MLLT1: variants seen among roughly 807,000 people sequenced by gnomAD.
MLLT1 encodes the protein protein ENL.
MLLT1 carries 11 observed loss-of-function variants against 55.1 expected under a neutral mutation model. The ratio of observed to expected loss-of-function variants is 0.20; its 90% CI spans 0.13 to 0.33. The LOEUF (loss-of-function observed/expected upper bound fraction) is 0.33. Among genes scored for constraint, MLLT1 ranks in the 10% least tolerant of loss-of-function variants. The pLI, the probability that MLLT1 is intolerant of heterozygous loss-of-function variation, is 1.00. For synonymous variants in MLLT1, 323 were observed against 320.1 expected, an observed-to-expected ratio of 1.01 and a Z score of -0.10; for missense variants, 536 against 760.6, an observed-to-expected ratio of 0.70 and a Z score of 3.47.
intron 3 of MLLT1, among the ~76,000 whole-genome samples, chr19:6,237,797 G>A (rs999178313): frequency 1.3e-4 from 19 of 150,362 alleles, no homozygotes; most frequent in South Asian, 1.3e-3. Context: ...CTTAAGAGAC[G>A]AAGCAATCAA....
At chr19:6,251,783 G>A (rs966619378) in intron 3 of MLLT1, among the ~76,000 whole-genome samples, 1 of 148,564 alleles carries the variant, frequency 6.7e-6, no homozygotes. Context: ...AAAAAAAAAA[G>A]AAAGAAAGAA....
chr19:6,244,230 C>T (rs1258636772), intron 3 of MLLT1, among the ~76,000 whole-genome samples: 1 of 151,916 alleles, frequency 6.6e-6, no homozygotes, highest in Non-Finnish European at 1.5e-5. Flanking sequence ...GTGAACTCCA[C>T]AAGAGAGGGG....
chr19:6,235,425 C>T lies in MLLT1; in HGVS notation c.277-4712G>A, dbSNP rs2144887039. On this transcript the variant is annotated intron_variant, in intron 3 of 11. Coordinates refer to ENST00000252674, the MANE Select transcript of MLLT1 (RefSeq NM_005934.4). This position sits in a 1 kb window ranked among gnomAD's most constrained non-coding sequence, Gnocchi z 5.5. ...CCACAGTGCTCAGCACCCTGCCTAT[C>T]ACCCACAGAAGCCGTGAGTGCCCCC... Among the ~76,000 whole-genome samples, 1 of 152,334 alleles carries T rather than the reference C, an allele frequency of 6.6e-6. No individual in the cohort carries two copies. The highest frequency in any genetic ancestry group is 2.4e-5 in the African/African-American group (1 of 41,576).
chr19:6,217,805 T>C (rs1469404626), intron 7 of MLLT1, 149 bp downstream of exon 7: 9 of 1,156,814 alleles, frequency 7.8e-6, no homozygotes, highest in Non-Finnish European at 9.4e-6. Context: ...CTTTTAAATA[T>C]AGACTCCCCC....
In MLLT1 at chr19:6,273,831, G is replaced by A. The variant is rs559595645; in HGVS notation, c.13-3072C>T. Among the ~76,000 whole-genome samples, 8 of 152,230 alleles carry A rather than the reference G, an allele frequency of 5.3e-5. No homozygotes were observed. Among genetic ancestry groups the A allele is most frequent in the Non-Finnish European group, 1.2e-4 (8 of 68,040 alleles). On this transcript the variant is annotated intron_variant, in intron 1 of 11. Coordinates refer to ENST00000252674, the MANE Select transcript of MLLT1 (RefSeq NM_005934.4). The surrounding 1 kb of genome is among the most constrained non-coding windows in gnomAD (Gnocchi z 4.3). ...CACTGACCCGGCCACTCAGACCTCG[G>A]CCGACTTCCCGGCATTTCTGATGAC...
chr19:6,245,554 C>CA (rs1424277417), intron 3 of MLLT1, among the ~76,000 whole-genome samples: 1 of 151,854 alleles, frequency 6.6e-6, no homozygotes, highest in African/African-American at 2.4e-5. Context: ...ACTAAAAATA[C>CA]AAAAAAATTA....
intron 1 of MLLT1, among the ~76,000 whole-genome samples, chr19:6,277,344 C>T (rs76606052): frequency 0.03 from 4,539 of 152,272 alleles, 206 homozygotes; most frequent in African/African-American, 0.1. Context: ...AGGAGGGAGA[C>T]CATCACCATC....
At chr19:6,261,313 C>T (rs4807856) in intron 3 of MLLT1, among the ~76,000 whole-genome samples, 52,415 of 152,158 alleles carry the variant, frequency 0.34, 11,610 homozygotes, top group African/African-American at 0.63. Flanking sequence ...CCGGCTGAAA[C>T]GTCACCCGGC....
Position 6,228,643 on chromosome 19 carries a change from C to T in MLLT1, c.421-1541G>A, listed in dbSNP as rs186107016. ...TGACACAGAAACCAGCCCCTCCTCCCGGGTCTCCCAGCACCCACGGCGGGG... is the reference window on the plus strand; with the variant it reads ...TGACACAGAAACCAGCCCCTCCTCCTGGGTCTCCCAGCACCCACGGCGGGG... On this transcript the variant is annotated intron_variant, in intron 4 of 11. Transcript: ENST00000252674. Among the ~76,000 whole-genome samples, 10 of 152,352 alleles carry T rather than the reference C, an allele frequency of 6.6e-5. No individual in the cohort carries two copies. In the East Asian group the frequency reaches 1.4e-3, roughly 21 times the overall value.
chr19:6,214,771 A>G (rs952841282), intron 8 of MLLT1, among the ~76,000 whole-genome samples: 1 of 152,128 alleles, frequency 6.6e-6, no homozygotes, highest in Non-Finnish European at 1.5e-5. Context: ...CCATCACTTC[A>G]CAACACGTTT....
intron 4 of MLLT1, among the ~76,000 whole-genome samples, chr19:6,228,856 G>A (rs1007671395): frequency 7.9e-5 from 12 of 152,078 alleles, no homozygotes; most frequent in Middle Eastern, 3.2e-3. Flanking sequence ...AGGGCAGAGC[G>A]CCCAGCGCCT....
intron 8 of MLLT1, 71 bp downstream of exon 8, chr19:6,216,334 A>C: frequency 8.8e-7 from 1 of 1,132,846 alleles, no homozygotes. Flanking sequence ...GCAGCCCCAC[A>C]ATCACTGCAG....
chr19:6,265,970 C>T (rs1847019925), intron 2 of MLLT1, among the ~76,000 whole-genome samples: 1 of 151,946 alleles, frequency 6.6e-6, no homozygotes, highest in Admixed American at 6.5e-5. Flanking sequence ...CAGAGTGAGA[C>T]TCTGTTTCAA....
At position 6,270,607 on chromosome 19, in the gene MLLT1, C is replaced by A. The variant is rs773276134; in HGVS notation, c.165G>T (p.Leu55=). The change falls in exon 2 of 12, where the codon CTG becomes CTT. Residue 55 remains leucine (L), a synonymous_variant. Transcript: ENST00000252674. This position sits in a 1 kb window ranked among gnomAD's most constrained non-coding sequence, Gnocchi z 7.1. Reference sequence around the variant, plus strand: ...GTCTGGGCTTGGGGAAGCTGTCGTGCAGCCAGAAGACCACCTTCTCCACGA... The same window carrying A: ...GTCTGGGCTTGGGGAAGCTGTCGTGAAGCCAGAAGACCACCTTCTCCACGA... The part of the protein sequence containing the change: ...QHFVEKVVFW[L]HDSFPKPRRV... 6.2e-7 allele frequency: 1 copy of A among 1,613,580 alleles called. No individual in the cohort carries two copies. Among genetic ancestry groups the A allele is most frequent in the Non-Finnish European group, 8.5e-7 (1 of 1,179,728 alleles).
intron 3 of MLLT1, among the ~76,000 whole-genome samples, chr19:6,248,080 G>T (rs998314015): frequency 6.6e-6 from 1 of 152,108 alleles, no homozygotes; most frequent in Admixed American, 6.5e-5. Context: ...TAGCAGAGAC[G>T]GGGTGCCATG....
chr19:6,264,938 A>G (rs962376573), intron 2 of MLLT1, among the ~76,000 whole-genome samples: 1 of 149,654 alleles, frequency 6.7e-6, no homozygotes, highest in African/African-American at 2.5e-5. Flanking sequence ...AGAAAAAAAG[A>G]GAGGAAATAA....
chr19:6,253,690 A>G (rs750277854), intron 3 of MLLT1, among the ~76,000 whole-genome samples: 4 of 152,210 alleles, frequency 2.6e-5, no homozygotes, highest in Non-Finnish European at 5.9e-5. Context: ...AAAATCCATC[A>G]GCGTAATACA....
At chr19:6,242,868 A>T (rs1030975563) in intron 3 of MLLT1, among the ~76,000 whole-genome samples, 1 of 152,074 alleles carries the variant, frequency 6.6e-6, no homozygotes, top group Non-Finnish European at 1.5e-5. Flanking sequence ...AAAGCAGGCC[A>T]CTGTCATCTC....
chr19:6,256,741 C>G lies in MLLT1; in HGVS notation c.276+5487G>C, dbSNP rs2091260367. ...TGCACTCTAGCCTGGGCGACAGAGC[C>G]AGACTCCGTCTCAAAATAAAATAAA... is the stretch of plus-strand genomic sequence containing the variant. On this transcript the variant is annotated intron_variant, in intron 3 of 11. Transcript: ENST00000252674. This position sits in a 1 kb window ranked among gnomAD's most constrained non-coding sequence, Gnocchi z 4.1. Among the ~76,000 whole-genome samples the G allele has an allele frequency of 6.6e-6, 1 of 152,012 alleles. No homozygotes were observed. Among genetic ancestry groups the G allele is most frequent in the Non-Finnish European group, 1.5e-5 (1 of 67,998 alleles).
Sources: allele counts gnomAD v4.1 joint callset (sites outside exome capture counted in the v4.1 genomes callset), GRCh38; gene constraint gnomAD v4.1.1; non-coding constraint Gnocchi (gnomAD v3.1); transcripts MANE v1.5; gene names NCBI Gene and HGNC (gene_info 2026-07-23, HGNC 2026-07-21).